EPB41: variants seen among roughly 807,000 people sequenced by gnomAD.
The protein encoded by EPB41 is protein 4.1.
A neutral mutation model predicts 108.0 loss-of-function variants in EPB41; 65 were observed. The observed-to-expected ratio is 0.60, with a 90% CI of 0.49 to 0.74. The LOEUF is 0.74. Ranked by LOEUF, EPB41 falls within the 30% of genes least tolerant of loss-of-function variation. The probability of loss-of-function intolerance (pLI) is 0.00; values close to 1 mark genes in which losing one functional copy is unlikely to be tolerated. For missense variants in EPB41, 875 were observed against 1,037.0 expected, an observed-to-expected ratio of 0.84 and a Z score of 2.15; for synonymous variants, 336 against 358.9, an observed-to-expected ratio of 0.94 and a Z score of 0.72.
rs1240018529 is a variant in EPB41 at position 29,018,405 on chromosome 1, C to T, written c.1087C>T (p.Leu363Phe). The T allele has an allele frequency of 6.2e-7, 1 of 1,613,958 alleles. No homozygotes were observed. The highest frequency in any genetic ancestry group is 8.5e-7 in the Non-Finnish European group (1 of 1,180,032). Reference sequence around the variant, plus strand: ...ACTGGCCCCGAATCAGACCAAGGAACTTGAAGAGAAGGTCATGGAACTGCA... The same window carrying T: ...ACTGGCCCCGAATCAGACCAAGGAATTTGAAGAGAAGGTCATGGAACTGCA... ...FKLAPNQTKE[L>F]EEKVMELHKS... The change falls in exon 7 of 21, where the codon CTT becomes TTT. Residue 363 changes from leucine (L) to phenylalanine (F), a missense_variant. By Grantham distance (22) the Leu-to-Phe change is conservative. Around this residue, in one of 3 missense-constraint regions of EPB41, gnomAD observed 519 missense variants for 627.3 expected, o/e 0.83. Transcript: ENST00000343067. This position sits in a 1 kb window ranked among gnomAD's most constrained non-coding sequence, Gnocchi z 4.4.
At chr1:29,024,915 G>A (rs2096700245) in intron 7 of EPB41, among the ~76,000 whole-genome samples, 1 of 151,914 alleles carries the variant, frequency 6.6e-6, no homozygotes, top group African/African-American at 2.4e-5. Flanking sequence ...GGAAAGATTT[G>A]CAACCCTCAC....
upstream of EPB41, chr1:28,911,050 A>T: frequency 2.0e-6 from 2 of 985,356 alleles, no homozygotes; most frequent in Non-Finnish European, 2.4e-6. Context: ...CTGCAGGGTG[A>T]GCTGGGACTG....
intron 1 of EPB41, among the ~76,000 whole-genome samples, chr1:28,896,172 C>G (rs1444586459): frequency 6.6e-6 from 1 of 152,150 alleles, no homozygotes; most frequent in East Asian, 1.9e-4. Flanking sequence ...TCTTAGGCTT[C>G]TTGTGAGGAT....
intron 8 of EPB41, among the ~76,000 whole-genome samples, chr1:29,031,180 C>T (rs935530781): frequency 2.0e-5 from 3 of 152,128 alleles, no homozygotes; most frequent in Admixed American, 6.6e-5. Context: ...ATAGCAATTC[C>T]ACCCTCAGAA....
intron 1 of EPB41, among the ~76,000 whole-genome samples, chr1:28,951,296 C>G (rs2094708464): frequency 6.6e-6 from 1 of 151,456 alleles, no homozygotes; most frequent in Non-Finnish European, 1.5e-5. Context: ...AGTTAAGAGG[C>G]TGAGCAACAT....
At chr1:28,985,895 A>G (rs1166745666) in intron 1 of EPB41, 1 of 151,164 alleles carries the variant, frequency 6.6e-6, no homozygotes, top group Non-Finnish European at 1.5e-5. Flanking sequence ...TTAGTTACAT[A>G]TGTATACATG....
At chr1:29,075,986 C>T (rs528924534) in intron 16 of EPB41, among the ~76,000 whole-genome samples, 9 of 152,300 alleles carry the variant, frequency 5.9e-5, no homozygotes, top group African/African-American at 2.2e-4. Context: ...CATCTTTGGA[C>T]AGCTCTGAGT....
intron 1 of EPB41, among the ~76,000 whole-genome samples, chr1:28,981,624 G>A (rs1260695522): frequency 1.3e-5 from 2 of 152,108 alleles, no homozygotes; most frequent in African/African-American, 4.8e-5. Context: ...ACAATATGCT[G>A]TGCTCTGTAT....
intron 12 of EPB41, among the ~76,000 whole-genome samples, chr1:29,055,644 A>G (rs1246339127): frequency 6.6e-6 from 1 of 151,164 alleles, no homozygotes; most frequent in Non-Finnish European, 1.5e-5. Context: ...GATTTTATAC[A>G]TAGCAGTTAG....
At chr1:28,981,673 T>A (rs1010487036) in intron 1 of EPB41, among the ~76,000 whole-genome samples, 2 of 152,188 alleles carry the variant, frequency 1.3e-5, no homozygotes, top group Non-Finnish European at 2.9e-5. Context: ...AGGTATAAAT[T>A]GTGTCAAGAC....
At position 29,018,169 on chromosome 1, in the gene EPB41, C is replaced by G. The variant is rs2096600894; in HGVS notation, c.906-55C>G. ...TTCTCCCCTTTTCTCCTTTTTCTCT[C>G]TTTATATTTTGTTGTTGTTGTTGCT... On this transcript the variant is annotated intron_variant, in intron 6 of 20. Transcript: ENST00000343067. The surrounding 1 kb of genome is among the most constrained non-coding windows in gnomAD (Gnocchi z 4.4). 1 of 1,521,342 alleles carries G rather than the reference C, an allele frequency of 6.6e-7. No individual in the cohort carries two copies. Among genetic ancestry groups the G allele is most frequent in the African/African-American group, 1.4e-5 (1 of 73,080 alleles). The allele number at this position is 1,521,342 out of a possible 1,614,324, so 94.2% of individuals were successfully genotyped here.
At chr1:28,998,976 C>G (rs1459140130) in intron 4 of EPB41, among the ~76,000 whole-genome samples, 3 of 152,190 alleles carry the variant, frequency 2.0e-5, no homozygotes, top group Admixed American at 6.5e-5. Flanking sequence ...ATTGAAACTA[C>G]TATTTCCCAT....
chr1:28,936,463 A>G (rs1384240760), intron 1 of EPB41, among the ~76,000 whole-genome samples: 1 of 152,244 alleles, frequency 6.6e-6, no homozygotes, highest in Admixed American at 6.5e-5. Flanking sequence ...TGTACAATTC[A>G]GTGGTCTTTT....
chr1:29,089,693 G>T (rs542532432), intron 16 of EPB41, among the ~76,000 whole-genome samples: 55 of 152,326 alleles, frequency 3.6e-4, no homozygotes, highest in South Asian at 1.9e-3. Context: ...AATAGTTTTG[G>T]AGTAATGGGG....
chr1:28,949,171 T>C (rs1156471940), intron 1 of EPB41, among the ~76,000 whole-genome samples: 1 of 152,140 alleles, frequency 6.6e-6, no homozygotes, highest in East Asian at 1.9e-4. Flanking sequence ...AGGCCAGCCT[T>C]GGTGGCTCAT....
chr1:28,964,749 C>G (rs1350173646), intron 1 of EPB41, among the ~76,000 whole-genome samples: 1 of 152,190 alleles, frequency 6.6e-6, no homozygotes, highest in Non-Finnish European at 1.5e-5. Context: ...TCAACCCAGT[C>G]TCAACCTCCA....
chr1:28,975,230 C>A (rs1029485094), intron 1 of EPB41, among the ~76,000 whole-genome samples: 3 of 152,124 alleles, frequency 2.0e-5, no homozygotes, highest in Admixed American at 6.5e-5. Context: ...CCGTGCCCGG[C>A]CTTATTTTGG....
chr1:29,046,017 C>T (rs1643081841), intron 11 of EPB41, among the ~76,000 whole-genome samples: 1 of 151,690 alleles, frequency 6.6e-6, no homozygotes, highest in African/African-American at 2.4e-5. Flanking sequence ...AAATGGTATC[C>T]TAAATTTTTT....
intron 5 of EPB41, among the ~76,000 whole-genome samples, chr1:29,014,145 C>T (rs1448028661): frequency 2.0e-5 from 3 of 151,544 alleles, no homozygotes; most frequent in Non-Finnish European, 2.9e-5. Flanking sequence ...GGTGAAACCC[C>T]GTCTATACTT....
Sources: gnomAD v4.1 joint callset for allele counts (sites outside exome capture counted in the v4.1 genomes callset) on GRCh38, gnomAD v4.1.1 for gene constraint, gnomAD v4.1.1 regional missense constraint, Gnocchi (gnomAD v3.1) non-coding constraint, MANE v1.5 for transcripts, NCBI Gene and HGNC (gene_info 2026-07-23, HGNC 2026-07-21) for gene names.